Variants in RYR3 observed in about 807,000 individuals in gnomAD.
RYR3 encodes brain ryanodine receptor-calcium release channel.
A neutral mutation model predicts 584.3 loss-of-function variants in RYR3; 207 were observed. That is an observed-to-expected ratio of 0.35 (90% CI 0.32 to 0.40). The LOEUF (loss-of-function observed/expected upper bound fraction) is 0.40. RYR3 is among the 10% of genes least tolerant of loss of function. The pLI, the probability that RYR3 is intolerant of heterozygous loss-of-function variation, is 1.00. For synonymous variants in RYR3, 2,416 were observed against 2,248.5 expected, an observed-to-expected ratio of 1.07 and a Z score of -2.11; for missense variants, 5,616 against 6,089.2, an observed-to-expected ratio of 0.92 and a Z score of 2.59.
intron 62 of RYR3, 84 bp downstream of exon 62, chr15:33,769,256 C>A: frequency 9.9e-7 from 1 of 1,005,974 alleles, no homozygotes; most frequent in Non-Finnish European, 1.6e-6. Flanking sequence ...GAAGAGAAGA[C>A]AGATCGCTGC....
At chr15:33,780,874 G>A (rs141455383) in intron 65 of RYR3, among the ~76,000 whole-genome samples, 7 of 152,286 alleles carry the variant, frequency 4.6e-5, no homozygotes, top group African/African-American at 1.2e-4. Flanking sequence ...ATATTGACAC[G>A]CTAGGTTCCA....
At chr15:33,402,494 T>G (rs1002720322) in intron 1 of RYR3, among the ~76,000 whole-genome samples, 1 of 152,242 alleles carries the variant, frequency 6.6e-6, no homozygotes, top group Non-Finnish European at 1.5e-5. Context: ...ACACTTCTCA[T>G]GTAAATTCAC....
intron 1 of RYR3, among the ~76,000 whole-genome samples, chr15:33,350,177 TG>T (rs1973055457): frequency 6.6e-6 from 1 of 152,170 alleles, no homozygotes; most frequent in African/African-American, 2.4e-5. Flanking sequence ...CGCTACATAA[TG>T]GTAAAGGGAT....
chr15:33,768,450 G>T (rs990402201), intron 60 of RYR3, among the ~76,000 whole-genome samples: 1 of 152,186 alleles, frequency 6.6e-6, no homozygotes, highest in African/African-American at 2.4e-5. Flanking sequence ...TGCCTGCAAG[G>T]TACCTTTCAT....
chr15:33,527,129 A>G (rs2054456618), intron 3 of RYR3, among the ~76,000 whole-genome samples: 1 of 152,144 alleles, frequency 6.6e-6, no homozygotes, highest in Non-Finnish European at 1.5e-5. Context: ...GAACCAGGTC[A>G]TACAGGGCAG....
intron 16 of RYR3, among the ~76,000 whole-genome samples, chr15:33,587,774 C>T (rs2058929332): frequency 6.6e-6 from 1 of 152,192 alleles, no homozygotes; most frequent in Non-Finnish European, 1.5e-5. Context: ...TCCTTAGGTA[C>T]TATTCCATTG....
At chr15:33,631,691 G>A (rs2061273436) in intron 23 of RYR3, among the ~76,000 whole-genome samples, 1 of 152,124 alleles carries the variant, frequency 6.6e-6, no homozygotes, top group African/African-American at 2.4e-5. Context: ...GCCACCATTC[G>A]TTTGACCTCC....
chr15:33,403,895 T>C (rs2042845966), intron 1 of RYR3, among the ~76,000 whole-genome samples: 1 of 152,014 alleles, frequency 6.6e-6, no homozygotes. Flanking sequence ...GGCTTTCAAA[T>C]GGAAGCCAAA....
At chr15:33,647,530 C>T (rs767588848) in intron 30 of RYR3, 70 bp downstream of exon 30, 37 of 1,105,180 alleles carry the variant, frequency 3.3e-5, no homozygotes, top group Non-Finnish European at 5.0e-5. Flanking sequence ...ATGCCCCTTA[C>T]AGCAAAGATC....
At chr15:33,622,195 TA>T (rs901841210) in intron 19 of RYR3, among the ~76,000 whole-genome samples, 9 of 152,204 alleles carry the variant, frequency 5.9e-5, no homozygotes, top group African/African-American at 2.2e-4. Context: ...CCATTTGGAA[TA>T]AAATCCTACC....
chr15:33,700,407 A>G (rs571594185), intron 41 of RYR3, among the ~76,000 whole-genome samples: 2 of 152,354 alleles, frequency 1.3e-5, no homozygotes, highest in South Asian at 4.1e-4. Context: ...AACGAAATGA[A>G]TGTGTGTAAT....
intron 60 of RYR3, among the ~76,000 whole-genome samples, chr15:33,763,583 T>C (rs752642464): frequency 3.9e-5 from 6 of 152,008 alleles, no homozygotes; most frequent in African/African-American, 4.8e-5. Flanking sequence ...TCACGCCAGT[T>C]AGAATGGTGA....
At chr15:33,699,515 A>G (rs1495277) in intron 40 of RYR3, among the ~76,000 whole-genome samples, 189 bp from the exon 41 acceptor site, 138,788 of 152,138 alleles carry the variant, frequency 0.91, 63,361 homozygotes, top group East Asian at 1. Context: ...TTTGACATCT[A>G]TTTCTCTTGG....
At chr15:33,672,832 A>T (rs957329835) in intron 38 of RYR3, among the ~76,000 whole-genome samples, 1 of 152,192 alleles carries the variant, frequency 6.6e-6, no homozygotes, top group African/African-American at 2.4e-5. Context: ...ACACATATTC[A>T]TTTACTGCTG....
intron 42 of RYR3, among the ~76,000 whole-genome samples, chr15:33,703,451 T>G (rs535248131): frequency 6.6e-6 from 1 of 152,340 alleles, no homozygotes; most frequent in South Asian, 2.1e-4. Context: ...CCTCCTGGCT[T>G]GCAGATGGCC....
intron 12 of RYR3, among the ~76,000 whole-genome samples, chr15:33,573,710 C>G (rs751589358): frequency 3.3e-5 from 5 of 152,132 alleles, no homozygotes; most frequent in Non-Finnish European, 7.3e-5. Flanking sequence ...GTGGGACAGG[C>G]TATAGGGAGT....
rs1429461831 is a variant in RYR3, at chr15:33,788,220, T to C, written c.9592T>C (p.Tyr3198His). 6.2e-7 allele frequency: 1 copy of C among 1,613,904 alleles called. No individual in the cohort carries two copies. The highest frequency in any genetic ancestry group is 8.5e-7 in the Non-Finnish European group (1 of 1,179,868). Residue 3198 changes from tyrosine (Y) to histidine (H), a missense_variant and splice_region_variant, in exon 67 of 104, where the codon TAT becomes CAT. Physicochemically the swap from Tyr to His is moderately conservative, Grantham distance 83. Around this residue, in one of 9 missense-constraint regions of RYR3, gnomAD observed 954 missense variants for 1,132.2 expected, o/e 0.84. Transcript: ENST00000634891. ...EASWMKRIAVYAQPIISKARP... is the reference protein window; with the variant it reads ...EASWMKRIAVHAQPIISKARP... ...GGGGAGGCTCTTTGTAAACGCAGTG[T>C]ATGCACAGCCCATCATCAGCAAAGC...
At chr15:33,738,371 A>G (rs2069715643) in intron 49 of RYR3, 79 bp from the exon 50 acceptor site, 2 of 1,390,362 alleles carry the variant, frequency 1.4e-6, no homozygotes, top group Non-Finnish European at 2.0e-6. Flanking sequence ...TTACTACTTG[A>G]TTCTCTCCTG....
intron 16 of RYR3, among the ~76,000 whole-genome samples, chr15:33,591,171 T>TA (rs909346881): frequency 1.6e-4 from 25 of 152,198 alleles, no homozygotes; most frequent in African/African-American, 5.3e-4. Context: ...TCTGGTCAAT[T>TA]AAAAAATCAA....
Sources: gnomAD v4.1 joint callset for allele counts (sites outside exome capture counted in the v4.1 genomes callset) on GRCh38, gnomAD v4.1.1 for gene constraint, gnomAD v4.1.1 regional missense constraint, MANE v1.5 for transcripts, NCBI Gene and HGNC (gene_info 2026-07-23, HGNC 2026-07-21) for gene names.